PDSS2: variants seen among roughly 807,000 people sequenced by gnomAD.
PDSS2 encodes the protein decaprenyl diphosphate synthase subunit 2.
A neutral mutation model predicts 44.5 loss-of-function variants in PDSS2; 31 were observed. That is an observed-to-expected ratio of 0.70 (90% CI 0.52 to 0.94). The LOEUF is 0.94. Ranked by LOEUF, PDSS2 falls within the 40% of genes least tolerant of loss-of-function variation. PDSS2 has a pLI of 0.00. For synonymous variants in PDSS2, 157 were observed against 180.3 expected, an observed-to-expected ratio of 0.87 and a Z score of 1.03; for missense variants, 452 against 482.2, an observed-to-expected ratio of 0.94 and a Z score of 0.59.
chr6:107,167,061 C>A (rs1771377835), intron 7 of PDSS2, among the ~76,000 whole-genome samples: 1 of 152,120 alleles, frequency 6.6e-6, no homozygotes, highest in South Asian at 2.1e-4. Context: ...GGTATCAACT[C>A]CTCCTTGTAC....
At chr6:107,302,636 GA>G (rs1475804020) in intron 2 of PDSS2, among the ~76,000 whole-genome samples, 1 of 151,866 alleles carries the variant, frequency 6.6e-6, no homozygotes, top group Non-Finnish European at 1.5e-5. Context: ...TTCCTATAAA[GA>G]CTTAGGGAGT....
intron 1 of PDSS2, among the ~76,000 whole-genome samples, chr6:107,359,598 TG>T (rs1778702720): frequency 7.0e-6 from 1 of 143,508 alleles, no homozygotes; most frequent in South Asian, 2.2e-4. Flanking sequence ...CACTCCAGCC[TG>T]GGTGACAGAG....
At chr6:107,390,367 T>C (rs1284448457) in intron 1 of PDSS2, among the ~76,000 whole-genome samples, 1 of 152,058 alleles carries the variant, frequency 6.6e-6, no homozygotes, top group East Asian at 1.9e-4. Flanking sequence ...TGAAAAACCA[T>C]AACCCCAGTC....
At chr6:107,214,650 T>C (rs1019753921) in intron 4 of PDSS2, among the ~76,000 whole-genome samples, 3 of 152,286 alleles carry the variant, frequency 2.0e-5, no homozygotes, top group African/African-American at 4.8e-5. Flanking sequence ...CTTTTCACAA[T>C]TGCTTGGAGA....
chr6:107,210,251 G>C (rs141966449), intron 6 of PDSS2, among the ~76,000 whole-genome samples, 188 bp downstream of exon 6: 75 of 152,234 alleles, frequency 4.9e-4, no homozygotes, highest in Non-Finnish European at 8.7e-4. Context: ...GAAAAATTCA[G>C]TACTGCAATC....
chr6:107,193,019 A>G (rs1195940989), intron 7 of PDSS2, among the ~76,000 whole-genome samples: 1 of 152,188 alleles, frequency 6.6e-6, no homozygotes, highest in African/African-American at 2.4e-5. Context: ...TGATTGTTGC[A>G]TAAATCAGAT....
intron 4 of PDSS2, among the ~76,000 whole-genome samples, chr6:107,241,344 C>CTTTTTTTTTT (rs58623641): frequency 1.3e-5 from 1 of 77,980 alleles, no homozygotes; most frequent in Non-Finnish European, 2.2e-5. Flanking sequence ...TCTTCTTCTT[C>CTTTTTTTTTT]TTTTTTTTTT....
At chr6:107,170,342 T>G (rs1370408901) in intron 7 of PDSS2, among the ~76,000 whole-genome samples, 8 of 152,110 alleles carry the variant, frequency 5.3e-5, no homozygotes, top group African/African-American at 1.9e-4. Context: ...AGGATTAGGG[T>G]GGGAGTGACC....
intron 1 of PDSS2, among the ~76,000 whole-genome samples, chr6:107,345,076 TTACAC>T (rs1206847875): frequency 6.6e-6 from 1 of 151,784 alleles, no homozygotes; most frequent in African/African-American, 2.4e-5. Flanking sequence ...ACAGGCATCA[TTACAC>T]TACACAACAC....
At chr6:107,451,877 G>A (rs1472570494) in intron 1 of PDSS2, among the ~76,000 whole-genome samples, 1 of 152,106 alleles carries the variant, frequency 6.6e-6, no homozygotes, top group East Asian at 1.9e-4. Flanking sequence ...AGCCCTCAGG[G>A]CCTGGTGTTG....
intron 1 of PDSS2, among the ~76,000 whole-genome samples, chr6:107,423,407 T>C (rs1398167823): frequency 6.6e-6 from 1 of 152,180 alleles, no homozygotes; most frequent in African/African-American, 2.4e-5. Context: ...AATAATTTCC[T>C]TTTTACATTG....
At chr6:107,267,058 C>T (rs79083501) in intron 3 of PDSS2, among the ~76,000 whole-genome samples, 2,599 of 152,266 alleles carry the variant, frequency 0.017, 75 homozygotes, top group African/African-American at 0.059. Context: ...ACAATACCAC[C>T]GTTTGAACCT....
At chr6:107,311,942 C>T (rs1052718697) in intron 2 of PDSS2, among the ~76,000 whole-genome samples, 1 of 152,190 alleles carries the variant, frequency 6.6e-6, no homozygotes, top group African/African-American at 2.4e-5. Flanking sequence ...TGTTTGTACA[C>T]ACTTATGCAG....
intron 4 of PDSS2, among the ~76,000 whole-genome samples, chr6:107,242,635 T>C (rs1356741962): frequency 6.6e-6 from 1 of 152,194 alleles, no homozygotes; most frequent in Admixed American, 6.5e-5. Context: ...GTCAAACTCC[T>C]GGGTTCCAGT....
At chr6:107,371,430 C>G (rs186993653) in intron 1 of PDSS2, among the ~76,000 whole-genome samples, 15 of 152,266 alleles carry the variant, frequency 9.9e-5, no homozygotes, top group African/African-American at 2.4e-4. Context: ...AAACTGAATA[C>G]AGCAAGAGTA....
chr6:107,171,553 C>T (rs1369239031), intron 7 of PDSS2, among the ~76,000 whole-genome samples: 2 of 152,062 alleles, frequency 1.3e-5, no homozygotes, highest in African/African-American at 4.8e-5. Flanking sequence ...ACTCCATCAC[C>T]TAGGCTGGAG....
At chr6:107,192,009 C>T (rs559032750) in intron 7 of PDSS2, among the ~76,000 whole-genome samples, 14 of 152,316 alleles carry the variant, frequency 9.2e-5, no homozygotes, top group Admixed American at 8.5e-4. Flanking sequence ...AGGAACTCTA[C>T]TTTTCACTCA....
chr6:107,355,926 TG>T (rs1318849119), intron 1 of PDSS2, among the ~76,000 whole-genome samples: 1 of 152,236 alleles, frequency 6.6e-6, no homozygotes, highest in East Asian at 1.9e-4. Context: ...GACTGTGACT[TG>T]TTTCTCTTTA....
At chr6:107,290,003 C>T (rs1040409030) in intron 2 of PDSS2, among the ~76,000 whole-genome samples, 7 of 152,058 alleles carry the variant, frequency 4.6e-5, no homozygotes, top group Admixed American at 1.3e-4. Flanking sequence ...TTGCCCAGTC[C>T]AGGCTCAAAC....
Sources: allele counts gnomAD v4.1 joint callset (sites outside exome capture counted in the v4.1 genomes callset), GRCh38; gene constraint gnomAD v4.1.1; transcripts MANE v1.5; gene names NCBI Gene and HGNC (gene_info 2026-07-23, HGNC 2026-07-21).